The following PALM2AKAP2 variants were observed in gnomAD, a reference collection of about 807,000 sequenced individuals.
PALM2AKAP2 encodes the protein PALM2 and AKAP2 fusion, also known as PALM2-AKAP2 fusion protein.
In PALM2AKAP2, 37 loss-of-function variants were observed where a neutral mutation model predicts 71.5. The observed-to-expected ratio is 0.52, with a 90% CI of 0.40 to 0.68. The LOEUF (loss-of-function observed/expected upper bound fraction) is 0.68. Ranked by LOEUF, PALM2AKAP2 falls within the 30% of genes least tolerant of loss-of-function variation. PALM2AKAP2 has a pLI of 0.00. For missense variants in PALM2AKAP2, 1,224 were observed against 1,191.8 expected (o/e 1.03, Z -0.40); for synonymous variants, 468 against 478.8 (o/e 0.98, Z 0.29).
intron 2 of PALM2AKAP2, among the ~76,000 whole-genome samples, chr9:109,867,839 A>G (rs181849457): frequency 6.6e-6 from 1 of 152,316 alleles, no homozygotes; most frequent in East Asian, 1.9e-4. Flanking sequence ...GTGGCTATAT[A>G]TAGAAATTGG....
At chr9:109,646,775 C>A (rs1827162262) in intron 1 of PALM2AKAP2, among the ~76,000 whole-genome samples, 1 of 152,130 alleles carries the variant, frequency 6.6e-6, no homozygotes, top group African/African-American at 2.4e-5. Context: ...GAGCTTACGG[C>A]TTAGTCTATG....
chr9:109,908,950 T>C (rs1470297442), intron 3 of PALM2AKAP2, among the ~76,000 whole-genome samples: 1 of 152,112 alleles, frequency 6.6e-6, no homozygotes, highest in Non-Finnish European at 1.5e-5. Context: ...TAAACAATTT[T>C]CACAATCTGG....
chr9:109,951,415 A>G (rs549726834), intron 6 of PALM2AKAP2, among the ~76,000 whole-genome samples: 2 of 152,358 alleles, frequency 1.3e-5, no homozygotes, highest in African/African-American at 4.8e-5. Context: ...CTGTACTTGT[A>G]GCTTCTCTCT....
intron 1 of PALM2AKAP2, among the ~76,000 whole-genome samples, chr9:109,692,359 C>G (rs1827911303): frequency 1.3e-5 from 2 of 151,672 alleles, no homozygotes; most frequent in African/African-American, 4.8e-5. Context: ...TTTTTACATT[C>G]CATAGGATTT....
intron 7 of PALM2AKAP2, among the ~76,000 whole-genome samples, chr9:110,031,064 G>A (rs1289217803): frequency 2.0e-5 from 3 of 152,180 alleles, no homozygotes; most frequent in Non-Finnish European, 4.4e-5. Context: ...CTAGAGGGTA[G>A]GGTATTGGAT....
chr9:110,080,707 C>G (rs770671629), intron 1 of PALM2AKAP2, among the ~76,000 whole-genome samples: 1 of 152,178 alleles, frequency 6.6e-6, no homozygotes, highest in Non-Finnish European at 1.5e-5. Flanking sequence ...GAGGTGGAGT[C>G]TCACTCCGTT....
At chr9:109,865,999 G>A (rs557310686) in intron 1 of PALM2AKAP2, among the ~76,000 whole-genome samples, 1 of 152,306 alleles carries the variant, frequency 6.6e-6, no homozygotes, top group Admixed American at 6.5e-5. Context: ...CCATTGATTG[G>A]AGTTCTTTGG....
rs1266297471 is a variant in PALM2AKAP2 at position 110,168,699 on chromosome 9, C to G, written c.*202C>G. 7.9e-6 allele frequency: 5 copies of G among 630,282 alleles called. No homozygotes were observed. The East Asian group carries it at 1.0e-4, about 13-fold the overall frequency. 39.0% of individuals were successfully genotyped at this position (630,282 alleles called of 1,614,324 possible). A position where few individuals can be genotyped will look rare whatever the true frequency, so the allele number is the denominator to read the frequency against. ...CATCAGACTCTGGACACCCAGGAAT[C>G]AAAAGAGAAAGGACTTTTTTGGTGA... On this transcript the variant is annotated 3_prime_UTR_variant, in exon 4 of 4. Transcript: ENST00000374525.
At chr9:109,927,026 A>T (rs1433734818) in intron 5 of PALM2AKAP2, among the ~76,000 whole-genome samples, 1 of 152,128 alleles carries the variant, frequency 6.6e-6, no homozygotes, top group Non-Finnish European at 1.5e-5. Context: ...ATCCTCCAGG[A>T]TGGGGGAGCT....
At chr9:109,881,427 G>A (rs1326753280) in intron 3 of PALM2AKAP2, among the ~76,000 whole-genome samples, 1 of 152,184 alleles carries the variant, frequency 6.6e-6, no homozygotes, top group Non-Finnish European at 1.5e-5. Context: ...TTTCAAATTT[G>A]CTGTATTTGG....
intron 1 of PALM2AKAP2, among the ~76,000 whole-genome samples, chr9:109,744,951 CCTCT>C (rs1828776404): frequency 6.6e-6 from 1 of 152,196 alleles, no homozygotes; most frequent in South Asian, 2.1e-4. Flanking sequence ...CCATGAGCTC[CCTCT>C]AAGTCCATGC....
intron 1 of PALM2AKAP2, among the ~76,000 whole-genome samples, chr9:110,117,731 T>G (rs1378290773): frequency 6.6e-6 from 1 of 152,144 alleles, no homozygotes; most frequent in East Asian, 1.9e-4. Flanking sequence ...TGACCATTCG[T>G]GAGGTCAGAG....
At chr9:109,985,418 G>A (rs1174674498) in intron 6 of PALM2AKAP2, among the ~76,000 whole-genome samples, 1 of 151,656 alleles carries the variant, frequency 6.6e-6, no homozygotes, top group East Asian at 2.0e-4. Context: ...AGGAGATGGA[G>A]ACCATCCTGG....
At chr9:110,003,627 G>T (rs1016910369) in intron 6 of PALM2AKAP2, among the ~76,000 whole-genome samples, 2 of 146,614 alleles carry the variant, frequency 1.4e-5, no homozygotes, top group African/African-American at 5.5e-5. Flanking sequence ...GTTGACAGTG[G>T]GGTGTTAAAT....
chr9:110,088,703 G>GTTTTTTTGTTTTTTTTTTTTT, intron 1 of PALM2AKAP2, among the ~76,000 whole-genome samples: 1 of 75,574 alleles, frequency 1.3e-5, no homozygotes, highest in Non-Finnish European at 2.8e-5. Flanking sequence ...GCATTTACGT[G>GTTTTTTTGTTTTTTTTTTTTT]TTTTTTTTTT....
intron 1 of PALM2AKAP2, among the ~76,000 whole-genome samples, chr9:109,684,268 C>T (rs561059373): frequency 6.6e-6 from 1 of 152,286 alleles, no homozygotes; most frequent in African/African-American, 2.4e-5. Context: ...GAGAAACTCT[C>T]TTCCTGCAGC....
chr9:109,683,436 C>T (rs1339725658), intron 1 of PALM2AKAP2, among the ~76,000 whole-genome samples: 1 of 152,036 alleles, frequency 6.6e-6, no homozygotes, highest in Non-Finnish European at 1.5e-5. Context: ...TGCTACAAGC[C>T]AAGGGACAGA....
At chr9:109,650,513 C>A (rs1393081705) in intron 1 of PALM2AKAP2, among the ~76,000 whole-genome samples, 1 of 152,174 alleles carries the variant, frequency 6.6e-6, no homozygotes, top group African/African-American at 2.4e-5. Context: ...AATTCCTGGG[C>A]TCAAGAGATC....
intron 1 of PALM2AKAP2, among the ~76,000 whole-genome samples, chr9:109,641,405 G>A (rs1459827654): frequency 1.3e-5 from 2 of 152,214 alleles, no homozygotes; most frequent in East Asian, 3.8e-4. Flanking sequence ...TTTGTTCCTG[G>A]GGTATTGGAG....
Sources: allele counts gnomAD v4.1 joint callset (sites outside exome capture counted in the v4.1 genomes callset), GRCh38; gene constraint gnomAD v4.1.1; transcripts MANE v1.5; gene names NCBI Gene and HGNC (gene_info 2026-07-23, HGNC 2026-07-21).